Variants in TRAF3 observed in about 807,000 individuals in gnomAD.
The protein encoded by TRAF3 is TNF receptor-associated factor 3.
TRAF3 carries 13 observed loss-of-function variants against 62.3 expected under a neutral mutation model. The ratio of observed to expected loss-of-function variants is 0.21; its 90% CI spans 0.14 to 0.33. The LOEUF (loss-of-function observed/expected upper bound fraction) is 0.33. Among genes scored for constraint, TRAF3 ranks in the 10% least tolerant of loss-of-function variants. TRAF3 has a pLI of 1.00. For missense variants in TRAF3, 440 were observed against 741.8 expected, an observed-to-expected ratio of 0.59 and a Z score of 4.73; for synonymous variants, 269 against 283.4, an observed-to-expected ratio of 0.95 and a Z score of 0.51.
At chr14:102,815,667 A>G (rs528015171) in intron 1 of TRAF3, among the ~76,000 whole-genome samples, 1 of 152,332 alleles carries the variant, frequency 6.6e-6, no homozygotes, top group Non-Finnish European at 1.5e-5. Context: ...TCATACTGCT[A>G]TAAAGAAATT....
At chr14:102,815,345 T>C (rs534911437) in intron 1 of TRAF3, among the ~76,000 whole-genome samples, 5 of 152,246 alleles carry the variant, frequency 3.3e-5, no homozygotes, top group Non-Finnish European at 7.4e-5. Flanking sequence ...ATCATGTGTG[T>C]ATGTGTTGGT....
intron 4 of TRAF3, 139 bp downstream of exon 4, chr14:102,872,107 A>G (rs1033720091): frequency 1.5e-5 from 13 of 866,798 alleles, no homozygotes; most frequent in Admixed American, 5.8e-5. Context: ...CAGGCAGGAC[A>G]CTGTGCCATG....
intron 10 of TRAF3, among the ~76,000 whole-genome samples, chr14:102,899,568 A>G (rs1012112383): frequency 6.6e-6 from 1 of 152,198 alleles, no homozygotes; most frequent in African/African-American, 2.4e-5. Context: ...GCTGCTGCAC[A>G]GATGTCTTTT....
At chr14:102,806,404 C>T (rs1197550103) in intron 1 of TRAF3, among the ~76,000 whole-genome samples, 2 of 152,126 alleles carry the variant, frequency 1.3e-5, no homozygotes, top group Non-Finnish European at 2.9e-5. Flanking sequence ...AAACCCTTCC[C>T]AACATGCCAT....
chr14:102,839,826 A>G (rs1432194870), intron 2 of TRAF3, among the ~76,000 whole-genome samples: 4 of 152,228 alleles, frequency 2.6e-5, no homozygotes, highest in South Asian at 2.1e-4. Flanking sequence ...TCTGATGGGT[A>G]TATGTGGGAA....
intron 10 of TRAF3, among the ~76,000 whole-genome samples, chr14:102,901,710 A>G (rs148635825): frequency 6.6e-6 from 1 of 152,376 alleles, no homozygotes; most frequent in African/African-American, 2.4e-5. Context: ...TGTTTCTTGG[A>G]AAGAACAGGA....
chr14:102,784,719 A>G (rs1381842474), intron 1 of TRAF3, among the ~76,000 whole-genome samples: 3 of 152,210 alleles, frequency 2.0e-5, no homozygotes, highest in South Asian at 2.1e-4. Flanking sequence ...TTATGGCACC[A>G]TGTAGTAGGT....
Position 102,869,801 on chromosome 14 carries a change from G to A in TRAF3, c.-17-384G>A, listed in dbSNP as rs374557432. Among the ~76,000 whole-genome samples the A allele has an allele frequency of 1.9e-3, 276 of 144,374 alleles. 1 individual carries two copies. The highest frequency in any genetic ancestry group is 6.6e-3 in the African/African-American group (245 of 36,884). The allele number at this position is 144,374 out of a possible 152,430, so 94.7% of individuals were successfully genotyped here. On this transcript the variant is annotated intron_variant, in intron 2 of 11. Coordinates refer to ENST00000392745, the MANE Select transcript of TRAF3 (RefSeq NM_145725.3). ...AGCCTGGGCAACAGAGCGAGACTCCGTCTAAAAAAAAAAAAAAAAAATTTT... is the reference window on the plus strand; with the variant it reads ...AGCCTGGGCAACAGAGCGAGACTCCATCTAAAAAAAAAAAAAAAAAATTTT...
At chr14:102,869,947 C>A (rs1031224634) in intron 2 of TRAF3, among the ~76,000 whole-genome samples, 18 of 151,888 alleles carry the variant, frequency 1.2e-4, no homozygotes, top group African/African-American at 4.4e-4. Flanking sequence ...ATTAAGTATA[C>A]TTTTTAGGAA....
At chr14:102,849,543 A>G (rs1374510461) in intron 2 of TRAF3, among the ~76,000 whole-genome samples, 1 of 152,234 alleles carries the variant, frequency 6.6e-6, no homozygotes, top group African/African-American at 2.4e-5. Flanking sequence ...CAAAGGCTTT[A>G]AGACCATGTG....
intron 2 of TRAF3, among the ~76,000 whole-genome samples, chr14:102,863,128 G>C (rs963277271): frequency 3.9e-4 from 59 of 152,060 alleles, no homozygotes; most frequent in South Asian, 1.2e-3. Flanking sequence ...AACAATTTCT[G>C]TTAGTTGCCT....
chr14:102,879,933 A>G (rs112072840), intron 6 of TRAF3, among the ~76,000 whole-genome samples: 17 of 152,100 alleles, frequency 1.1e-4, no homozygotes, highest in African/African-American at 4.1e-4. Context: ...CATGGGCAAC[A>G]TAGCAAGACT....
chr14:102,837,386 A>G (rs1159753661), intron 2 of TRAF3, among the ~76,000 whole-genome samples: 2 of 151,978 alleles, frequency 1.3e-5, no homozygotes, highest in East Asian at 3.9e-4. Context: ...TGATCCTTCC[A>G]CCTTGACCTT....
intron 8 of TRAF3, among the ~76,000 whole-genome samples, chr14:102,890,459 C>T (rs1410418351): frequency 6.6e-6 from 1 of 152,184 alleles, no homozygotes; most frequent in Non-Finnish European, 1.5e-5. Context: ...TTGCTTTAGT[C>T]TCTAACAAGA....
chr14:102,789,724 G>A (rs1445093582), intron 1 of TRAF3, among the ~76,000 whole-genome samples: 2 of 152,154 alleles, frequency 1.3e-5, no homozygotes, highest in Admixed American at 6.6e-5. Flanking sequence ...CAAAGATATT[G>A]AATGTCTTTT....
intron 2 of TRAF3, among the ~76,000 whole-genome samples, chr14:102,845,889 A>G (rs1320688962): frequency 7.1e-6 from 1 of 141,718 alleles, no homozygotes; most frequent in Non-Finnish European, 1.5e-5. Flanking sequence ...CTGAGGTGGG[A>G]GGATCTCTTG....
At chr14:102,875,544 T>A (rs757270389) in intron 4 of TRAF3, 80 bp from the exon 5 acceptor site, 1 of 1,157,070 alleles carries the variant, frequency 8.6e-7, no homozygotes, top group East Asian at 2.4e-5. Flanking sequence ...TTTTTTTAAG[T>A]GGTTTTGCCT....
rs3070340 is a variant in TRAF3, at chr14:102,856,097, C to CAAA, written c.-17-14066_-17-14064dup. The stretch of plus-strand genomic sequence containing the variant: ...GGCAACAGAGTAAAACCCTGTCTCA[C>CAAA]AAAAAAAAAAAAAAAAAAAAAAAAT... On this transcript the variant is annotated intron_variant, in intron 2 of 11. Coordinates refer to ENST00000392745, the MANE Select transcript of TRAF3 (RefSeq NM_145725.3). Among the ~76,000 whole-genome samples the CAAA allele has an allele frequency of 9.3e-3, 577 of 61,848 alleles. 7 individuals carry two copies. The highest frequency in any genetic ancestry group is 0.029 in the African/African-American group (506 of 17,354). The allele number at this position is 61,848 out of a possible 152,430, so 40.6% of individuals were successfully genotyped here. A position where few individuals can be genotyped will look rare whatever the true frequency, so the allele number is the denominator to read the frequency against.
intron 7 of TRAF3, 81 bp from the exon 8 acceptor site, chr14:102,889,479 A>G: frequency 7.2e-7 from 1 of 1,384,962 alleles, no homozygotes; most frequent in Non-Finnish European, 1.0e-6. Context: ...AGTACAGCTC[A>G]GATGCTATCT....
Sources: gnomAD v4.1 joint callset for allele counts (sites outside exome capture counted in the v4.1 genomes callset) on GRCh38, gnomAD v4.1.1 for gene constraint, MANE v1.5 for transcripts, NCBI Gene and HGNC (gene_info 2026-07-23, HGNC 2026-07-21) for gene names.